Variants in RBMS1 observed in about 807,000 individuals in gnomAD.
RBMS1 encodes RNA binding motif single stranded interacting protein 1, also known as RNA-binding motif, single-stranded-interacting protein 1.
A neutral mutation model predicts 62.3 loss-of-function variants in RBMS1; 17 were observed. The observed-to-expected ratio is 0.27, with a 90% CI of 0.19 to 0.41. RBMS1 has a LOEUF of 0.41. Among genes scored for constraint, RBMS1 ranks in the 10% least tolerant of loss-of-function variants. RBMS1 has a pLI of 1.00. For missense variants in RBMS1, 334 were observed against 504.5 expected (o/e 0.66, Z 3.24); for synonymous variants, 172 against 170.0 (o/e 1.01, Z -0.09).
chr2:160,292,075 C>T (rs1011824046), intron 6 of RBMS1, among the ~76,000 whole-genome samples: 12 of 152,100 alleles, frequency 7.9e-5, no homozygotes, highest in African/African-American at 2.4e-4. Flanking sequence ...TAACTAACAC[C>T]GCAGGAACAT....
chr2:160,287,199 T>A (rs1393732005), intron 6 of RBMS1, 115 bp from the exon 7 acceptor site: 2 of 1,400,054 alleles, frequency 1.4e-6, no homozygotes, highest in Admixed American at 3.9e-5. Flanking sequence ...ATACAACACT[T>A]TAAGGCAAAA....
intron 1 of RBMS1, among the ~76,000 whole-genome samples, chr2:160,405,899 G>C (rs896984043): frequency 1.3e-5 from 2 of 152,176 alleles, no homozygotes; most frequent in Non-Finnish European, 2.9e-5. Flanking sequence ...TTTTCAGGTA[G>C]AGTGAGGTGG....
intron 1 of RBMS1, among the ~76,000 whole-genome samples, chr2:160,450,800 C>T (rs1683951507): frequency 6.6e-6 from 1 of 152,008 alleles, no homozygotes; most frequent in East Asian, 1.9e-4. Context: ...CTTGTGTTGA[C>T]CTGACTTAAA....
chr2:160,365,519 T>C lies in RBMS1; in HGVS notation c.251+1697A>G, dbSNP rs138732975. Among the ~76,000 whole-genome samples the C allele has an allele frequency of 1.5e-3, 230 of 152,340 alleles. 2 individuals are homozygous for C. The highest frequency in any genetic ancestry group is 5.1e-3 in the African/African-American group (214 of 41,574). ...TCTTCTGCCACATTTGTAATATGAT[T>C]CAGTTCAATAAAAAAATTACTGACT... On this transcript the variant is annotated intron_variant, in intron 2 of 13. Coordinates refer to ENST00000348849, the MANE Select transcript of RBMS1 (RefSeq NM_016836.4).
At chr2:160,342,679 G>A (rs971495609) in intron 2 of RBMS1, among the ~76,000 whole-genome samples, 7 of 151,746 alleles carry the variant, frequency 4.6e-5, no homozygotes, top group African/African-American at 1.7e-4. Flanking sequence ...ACTTAGGGAG[G>A]CCGAGGTGGG....
At chr2:160,350,378 C>T (rs1263273686) in intron 2 of RBMS1, among the ~76,000 whole-genome samples, 1 of 152,062 alleles carries the variant, frequency 6.6e-6, no homozygotes, top group East Asian at 1.9e-4. Context: ...CCATGGAGTA[C>T]ATCTTGGTCT....
intron 2 of RBMS1, among the ~76,000 whole-genome samples, chr2:160,330,695 GAA>G (rs772630328): frequency 2.9e-5 from 4 of 138,938 alleles, no homozygotes; most frequent in African/African-American, 2.6e-5. Context: ...AGGTTGCACT[GAA>G]AAAAAAAAAA....
At chr2:160,417,241 G>T (rs1696245629) in intron 1 of RBMS1, among the ~76,000 whole-genome samples, 1 of 152,134 alleles carries the variant, frequency 6.6e-6, no homozygotes, top group African/African-American at 2.4e-5. Context: ...TTATATATAT[G>T]TAAAAAATGT....
intron 4 of RBMS1, among the ~76,000 whole-genome samples, chr2:160,304,811 T>C (rs1041480290): frequency 6.6e-6 from 1 of 152,182 alleles, no homozygotes; most frequent in South Asian, 2.1e-4. Flanking sequence ...ATTTAAAGGT[T>C]TATAAAGTAA....
Position 160,331,826 on chromosome 2 carries a change from A to C in RBMS1, c.252-13599T>G, listed in dbSNP as rs368922952. On this transcript the variant is annotated intron_variant, in intron 2 of 13. Coordinates refer to ENST00000348849, the MANE Select transcript of RBMS1 (RefSeq NM_016836.4). ...CAGGCCTTTCCAAGAACTGGAGTCG[A>C]GTGTTTGCAGTCACTAGAAGTTTTC... 5.3e-5 allele frequency among the ~76,000 whole-genome samples: 8 copies of C among 152,258 alleles called. 1 individual carries two copies. Among genetic ancestry groups the C allele is most frequent in the Admixed American group, 4.6e-4 (7 of 15,290 alleles).
intron 2 of RBMS1, among the ~76,000 whole-genome samples, chr2:160,329,288 T>C (rs1691124017): frequency 2.6e-5 from 4 of 152,170 alleles, no homozygotes; most frequent in Admixed American, 2.6e-4. Context: ...AAGACACACT[T>C]GGACTGTATA....
chr2:160,273,525 A>G lies in RBMS1; in HGVS notation c.*1247T>C, dbSNP rs1687676530. On this transcript the variant is annotated 3_prime_UTR_variant, in exon 14 of 14. Coordinates refer to ENST00000348849, the MANE Select transcript of RBMS1 (RefSeq NM_016836.4). ...CTAATAGAGAGAGAGAGAGAGAGCT[A>G]GTAGCCAATCGTTTTGCTTCTATTC... 6.6e-6 allele frequency: 1 copy of G among 152,192 alleles called. No individual in the cohort carries two copies. 9.4% of individuals were successfully genotyped at this position (152,192 alleles called of 1,614,324 possible). A position where few individuals can be genotyped will look rare whatever the true frequency, so the allele number is the denominator to read the frequency against.
chr2:160,475,561 G>A (rs909897126), intron 1 of RBMS1, among the ~76,000 whole-genome samples: 1 of 152,176 alleles, frequency 6.6e-6, no homozygotes, highest in Non-Finnish European at 1.5e-5. Flanking sequence ...CTCAGAAAAT[G>A]TCGTTGTCTC....
intron 6 of RBMS1, among the ~76,000 whole-genome samples, chr2:160,289,605 G>A (rs949573827): frequency 6.6e-6 from 1 of 152,062 alleles, no homozygotes; most frequent in African/African-American, 2.4e-5. Flanking sequence ...GATAAAACAG[G>A]GTCCTTGCCT....
intron 2 of RBMS1, among the ~76,000 whole-genome samples, chr2:160,353,006 T>C (rs1488755981): frequency 6.6e-6 from 1 of 152,092 alleles, no homozygotes; most frequent in Non-Finnish European, 1.5e-5. Flanking sequence ...CAAAATGAGC[T>C]TGTTAAAAAT....
intron 1 of RBMS1, among the ~76,000 whole-genome samples, chr2:160,397,041 T>A (rs915629952): frequency 1.3e-5 from 2 of 152,180 alleles, no homozygotes; most frequent in Non-Finnish European, 2.9e-5. Context: ...TTTCAGAGCA[T>A]ACTCATCTTA....
At chr2:160,331,714 A>C (rs555233269) in intron 2 of RBMS1, among the ~76,000 whole-genome samples, 1 of 152,300 alleles carries the variant, frequency 6.6e-6, no homozygotes, top group South Asian at 2.1e-4. Flanking sequence ...TAAGCACCAT[A>C]AACAAAGAGC....
At chr2:160,455,877 G>T (rs942255301) in intron 1 of RBMS1, among the ~76,000 whole-genome samples, 1 of 151,786 alleles carries the variant, frequency 6.6e-6, no homozygotes, top group African/African-American at 2.4e-5. Context: ...TAGAGACGGG[G>T]TTTCACCGTG....
At chr2:160,390,017 G>C (rs142353431) in intron 1 of RBMS1, among the ~76,000 whole-genome samples, 78 of 152,226 alleles carry the variant, frequency 5.1e-4, no homozygotes, top group African/African-American at 1.7e-3. Context: ...CTCTGTAATA[G>C]CTTTCAAAAC....
Sources: gnomAD v4.1 joint callset for allele counts (sites outside exome capture counted in the v4.1 genomes callset) on GRCh38, gnomAD v4.1.1 for gene constraint, MANE v1.5 for transcripts, NCBI Gene and HGNC (gene_info 2026-07-23, HGNC 2026-07-21) for gene names.